Variants in TPH2 observed in about 807,000 individuals in gnomAD.
TPH2 encodes tryptophan hydroxylase 2.
In TPH2, 27 loss-of-function variants were observed where a neutral mutation model predicts 59.1. That is an observed-to-expected ratio of 0.46 (90% CI 0.34 to 0.63). The LOEUF is 0.63. Ranked by LOEUF, TPH2 falls within the 30% of genes least tolerant of loss-of-function variation. The pLI, the probability that TPH2 is intolerant of heterozygous loss-of-function variation, is 0.01. For synonymous variants in TPH2, 220 were observed against 210.5 expected, an observed-to-expected ratio of 1.05 and a Z score of -0.39; for missense variants, 523 against 588.3, an observed-to-expected ratio of 0.89 and a Z score of 1.15.
intron 8 of TPH2, among the ~76,000 whole-genome samples, chr12:72,012,180 C>CAACAACAACAACAACAACAACAAT (rs1219400818): frequency 1.4e-4 from 21 of 151,892 alleles, no homozygotes; most frequent in Admixed American, 1.1e-3. Context: ...AATTCAACAA[C>CAACAACAACAACAACAACAACAAT]AACAACAACA....
At chr12:72,029,125 G>A (rs1873649204) in intron 9 of TPH2, among the ~76,000 whole-genome samples, 1 of 152,158 alleles carries the variant, frequency 6.6e-6, no homozygotes, top group Admixed American at 6.6e-5. Flanking sequence ...GACTGCTAAG[G>A]TTGCTAATGT....
At chr12:71,957,432 G>A (rs1693081858) in intron 5 of TPH2, among the ~76,000 whole-genome samples, 1 of 149,838 alleles carries the variant, frequency 6.7e-6, no homozygotes, top group African/African-American at 2.5e-5. Context: ...CACCTCCCAG[G>A]CTCAAGTGAT....
At chr12:71,992,251 A>G (rs1872591932) in intron 7 of TPH2, among the ~76,000 whole-genome samples, 1 of 152,206 alleles carries the variant, frequency 6.6e-6, no homozygotes, top group Non-Finnish European at 1.5e-5. Flanking sequence ...GAGAGCAGAA[A>G]GAGTGTAGCT....
At chr12:71,939,118 G>A (rs887800303) in intron 1 of TPH2, 27 bp downstream of exon 1, 8 of 1,571,176 alleles carry the variant, frequency 5.1e-6, no homozygotes, top group East Asian at 4.5e-5. Flanking sequence ...TGGCACTATG[G>A]AGAATTATTT....
intron 5 of TPH2, chr12:71,962,713 A>AT (rs1871720371): frequency 3.1e-6 from 3 of 969,284 alleles, no homozygotes; most frequent in Non-Finnish European, 3.7e-6. Context: ...AACAAATATT[A>AT]TTTTTTTGTT....
Position 71,990,984 on chromosome 12 carries a change from A to G in TPH2, c.942-3455A>G, listed in dbSNP as rs182861575. Among the ~76,000 whole-genome samples, 3 of 152,322 alleles carry G rather than the reference A, an allele frequency of 2.0e-5. No homozygotes were observed. In the East Asian group the frequency reaches 5.8e-4, roughly 29 times the overall value. The stretch of plus-strand genomic sequence containing the variant: ...AATATAACTTACTCTGCTGTATTGT[A>G]TGATTTTTTTCTTCCAAATTTATAA... On this transcript the variant is annotated intron_variant, in intron 7 of 10. Transcript: ENST00000333850.
chr12:72,018,230 A>G (rs1873312005), intron 8 of TPH2, among the ~76,000 whole-genome samples: 1 of 152,196 alleles, frequency 6.6e-6, no homozygotes, highest in Non-Finnish European at 1.5e-5. Flanking sequence ...AGTTTCTGGA[A>G]GGACTCCCAG....
chr12:72,003,660 G>A (rs146361022), intron 8 of TPH2, among the ~76,000 whole-genome samples: 159 of 152,206 alleles, frequency 1.0e-3, no homozygotes, highest in African/African-American at 3.7e-3. Context: ...CTACTCATAT[G>A]TGCATGTTTC....
At chr12:71,957,427 C>T (rs998616558) in intron 5 of TPH2, among the ~76,000 whole-genome samples, 1 of 149,072 alleles carries the variant, frequency 6.7e-6, no homozygotes, top group Non-Finnish European at 1.5e-5. Flanking sequence ...GCCTCCACCT[C>T]CCAGGCTCAA....
intron 8 of TPH2, among the ~76,000 whole-genome samples, chr12:71,998,213 C>T (rs577966912): frequency 1.3e-5 from 2 of 152,276 alleles, no homozygotes; most frequent in African/African-American, 2.4e-5. Flanking sequence ...TGAGCTCCCA[C>T]CCCAACTCAC....
intron 5 of TPH2, among the ~76,000 whole-genome samples, chr12:71,951,554 C>T (rs1016097911): frequency 5.9e-5 from 9 of 152,296 alleles, no homozygotes; most frequent in African/African-American, 2.2e-4. Flanking sequence ...TGCTTTGTTG[C>T]TCTGACTGTT....
At chr12:71,994,873 G>A (rs1400203712) in intron 8 of TPH2, among the ~76,000 whole-genome samples, 2 of 152,328 alleles carry the variant, frequency 1.3e-5, no homozygotes, top group South Asian at 4.1e-4. Context: ...TGGTATGAAA[G>A]CAGCCACAGA....
At chr12:72,025,970 T>C (rs995389116) in intron 9 of TPH2, among the ~76,000 whole-genome samples, 1 of 152,224 alleles carries the variant, frequency 6.6e-6, no homozygotes, top group African/African-American at 2.4e-5. Flanking sequence ...TGGAATGTAG[T>C]AGGGAAATTC....
At chr12:72,025,393 A>G (rs2139247966) in intron 9 of TPH2, among the ~76,000 whole-genome samples, 1 of 152,302 alleles carries the variant, frequency 6.6e-6, no homozygotes, top group East Asian at 1.9e-4. Flanking sequence ...AACACATTCT[A>G]TACTTTGTGC....
chr12:71,969,325 G>A (rs922148868), intron 5 of TPH2, among the ~76,000 whole-genome samples: 2 of 152,070 alleles, frequency 1.3e-5, no homozygotes, highest in African/African-American at 2.4e-5. Context: ...AGGATATATC[G>A]AAGGCCTTGA....
At chr12:71,941,210 C>T (rs1282229055) in intron 1 of TPH2, among the ~76,000 whole-genome samples, 1 of 151,808 alleles carries the variant, frequency 6.6e-6, no homozygotes, top group Non-Finnish European at 1.5e-5. Context: ...ATATAGTTTC[C>T]ATAGGATTCA....
At chr12:72,005,049 G>A (rs1872916628) in intron 8 of TPH2, among the ~76,000 whole-genome samples, 1 of 152,120 alleles carries the variant, frequency 6.6e-6, no homozygotes, top group Non-Finnish European at 1.5e-5. Flanking sequence ...TTATATGCTT[G>A]CCACTGTAAG....
At chr12:72,025,403 C>A (rs1873540438) in intron 9 of TPH2, among the ~76,000 whole-genome samples, 1 of 152,234 alleles carries the variant, frequency 6.6e-6, no homozygotes, top group Admixed American at 6.5e-5. Context: ...ATACTTTGTG[C>A]TATAAGGGGC....
chr12:71,970,989 C>T (rs1175644112), intron 5 of TPH2, among the ~76,000 whole-genome samples: 2 of 152,168 alleles, frequency 1.3e-5, no homozygotes, highest in East Asian at 1.9e-4. Context: ...TCCATTTGGA[C>T]CTGAACTTTA....
Sources: gnomAD v4.1 joint callset for allele counts (sites outside exome capture counted in the v4.1 genomes callset) on GRCh38, gnomAD v4.1.1 for gene constraint, MANE v1.5 for transcripts, NCBI Gene and HGNC (gene_info 2026-07-23, HGNC 2026-07-21) for gene names.